The following KIRREL3 variants were observed in gnomAD, a reference collection of about 807,000 sequenced individuals.
KIRREL3 encodes kirre like nephrin family adhesion molecule 3, also known as kin of IRRE-like protein 3.
In KIRREL3, 36 loss-of-function variants were observed where a neutral mutation model predicts 89.7. The ratio of observed to expected loss-of-function variants is 0.40; its 90% CI spans 0.31 to 0.53. The LOEUF is 0.53. Ranked by LOEUF, KIRREL3 falls within the 20% of genes least tolerant of loss-of-function variation. The probability of loss-of-function intolerance (pLI) is 0.49; values close to 1 mark genes in which losing one functional copy is unlikely to be tolerated. For missense variants in KIRREL3, 864 were observed against 1,056.6 expected (o/e 0.82, Z 2.53); for synonymous variants, 445 against 441.4 (o/e 1.01, Z -0.10).
chr11:126,629,300 C>A (rs1393923926), intron 1 of KIRREL3, among the ~76,000 whole-genome samples: 4 of 152,118 alleles, frequency 2.6e-5, no homozygotes, highest in Admixed American at 1.3e-4. Context: ...TGTCCTCACC[C>A]CAGGAAGCAC....
chr11:126,951,420 G>T (rs1948770026), intron 1 of KIRREL3, among the ~76,000 whole-genome samples: 1 of 152,130 alleles, frequency 6.6e-6, no homozygotes, highest in African/African-American at 2.4e-5. Context: ...TGCAGCATCT[G>T]GCTCACTGAA....
At chr11:126,988,866 G>C (rs1432713602) in intron 1 of KIRREL3, among the ~76,000 whole-genome samples, 4 of 152,184 alleles carry the variant, frequency 2.6e-5, no homozygotes, top group African/African-American at 9.7e-5. Context: ...CGGGGGTAGA[G>C]AAACATGCTG....
In KIRREL3 at chr11:126,704,668, G is replaced by A. The variant is rs1947449000; in HGVS notation, c.56-141756C>T. On this transcript the variant is annotated intron_variant, in intron 1 of 16. Coordinates refer to ENST00000525144, the MANE Select transcript of KIRREL3 (RefSeq NM_032531.4). The surrounding 1 kb of genome is among the most constrained non-coding windows in gnomAD (Gnocchi z 4.2). The stretch of plus-strand genomic sequence containing the variant: ...TGGTTCTCATGAGTTGTGGCTAAGT[G>A]AGGAAGTCTGAGTCTCTCCTGATGC... Among the ~76,000 whole-genome samples the A allele has an allele frequency of 6.6e-6, 1 of 152,220 alleles. No homozygotes were observed. The highest frequency in any genetic ancestry group is 6.5e-5 in the Admixed American group (1 of 15,292).
rs1331239261 is a variant in KIRREL3 at position 126,991,689 on chromosome 11, G to A, written c.55+8766C>T. 6.6e-6 allele frequency among the ~76,000 whole-genome samples: 1 copy of A among 152,290 alleles called. No homozygotes were observed. Among genetic ancestry groups the A allele is most frequent in the Non-Finnish European group, 1.5e-5 (1 of 68,022 alleles). On this transcript the variant is annotated intron_variant, in intron 1 of 16. Transcript: ENST00000525144. The surrounding 1 kb of genome is among the most constrained non-coding windows in gnomAD (Gnocchi z 5.8). ...GAACTACAATGCTGCCTCCTTGTTC[G>A]AAGGTCAGACCTGGGATTCGGATGC...
intron 1 of KIRREL3, among the ~76,000 whole-genome samples, chr11:126,856,783 T>G (rs1944532812): frequency 6.6e-6 from 1 of 151,814 alleles, no homozygotes; most frequent in Admixed American, 6.6e-5. Context: ...GCGCGGCTAA[T>G]TTTTTGTATT....
intron 1 of KIRREL3, among the ~76,000 whole-genome samples, chr11:126,986,351 C>T (rs377486815): frequency 1.3e-5 from 2 of 151,984 alleles, no homozygotes; most frequent in East Asian, 3.9e-4. Flanking sequence ...TTGTATTGAC[C>T]TTGAATATTT....
intron 1 of KIRREL3, among the ~76,000 whole-genome samples, chr11:126,618,766 A>C (rs147614999): frequency 5.1e-4 from 78 of 152,300 alleles, no homozygotes; most frequent in African/African-American, 1.8e-3. Flanking sequence ...GAACAACCTA[A>C]TACACTCACC....
chr11:126,467,938 C>T (rs557987541), intron 5 of KIRREL3, among the ~76,000 whole-genome samples: 6 of 152,230 alleles, frequency 3.9e-5, no homozygotes, highest in South Asian at 4.1e-4. Context: ...GGTGAGGGCC[C>T]TATGCATGTG....
At position 126,676,392 on chromosome 11, in the gene KIRREL3, T is replaced by A. The variant is rs1459242828; in HGVS notation, c.56-113480A>T. The stretch of plus-strand genomic sequence containing the variant: ...GTCCTATCTCAGTTCAGGCTAGAAT[T>A]CTCTCCTACCCTGGGGCCTCTCTAG... On this transcript the variant is annotated intron_variant, in intron 1 of 16. Coordinates refer to ENST00000525144, the MANE Select transcript of KIRREL3 (RefSeq NM_032531.4). The surrounding 1 kb of genome is among the most constrained non-coding windows in gnomAD (Gnocchi z 4.5). Among the ~76,000 whole-genome samples, 1 of 152,074 alleles carries A rather than the reference T, an allele frequency of 6.6e-6. No homozygotes were observed. Among genetic ancestry groups the A allele is most frequent in the Non-Finnish European group, 1.5e-5 (1 of 68,000 alleles).
At position 126,763,606 on chromosome 11, in the gene KIRREL3, G is replaced by A. The variant is rs1339908311; in HGVS notation, c.56-200694C>T. Reference sequence around the variant, plus strand: ...GAGGGACCAAGGCCCAGCGAGAGTAGGTGGTAGGTAGGCAATGGCCAGTGG... The same window carrying A: ...GAGGGACCAAGGCCCAGCGAGAGTAAGTGGTAGGTAGGCAATGGCCAGTGG... On this transcript the variant is annotated intron_variant, in intron 1 of 16. Coordinates refer to ENST00000525144, the MANE Select transcript of KIRREL3 (RefSeq NM_032531.4). The surrounding 1 kb of genome is among the most constrained non-coding windows in gnomAD (Gnocchi z 4.7). Among the ~76,000 whole-genome samples, 3 of 152,234 alleles carry A rather than the reference G, an allele frequency of 2.0e-5. No homozygotes were observed. The highest frequency in any genetic ancestry group is 2.9e-5 in the Non-Finnish European group (2 of 68,046).
chr11:126,657,237 CAAATAAATAATT>C (rs1248487260), intron 1 of KIRREL3, among the ~76,000 whole-genome samples: 113 of 81,498 alleles, frequency 1.4e-3, no homozygotes, highest in African/African-American at 4.4e-3. Flanking sequence ...ATGAGAATTC[CAAATAAATAATT>C]AAATAAATAA....
At chr11:126,478,709 AC>A (rs1469398056) in intron 4 of KIRREL3, among the ~76,000 whole-genome samples, 1 of 151,996 alleles carries the variant, frequency 6.6e-6, no homozygotes, top group Non-Finnish European at 1.5e-5. Flanking sequence ...ATGTGTGTAT[AC>A]ATGTGTATGG....
At chr11:126,794,174 G>C (rs185834735) in intron 1 of KIRREL3, among the ~76,000 whole-genome samples, 1 of 152,168 alleles carries the variant, frequency 6.6e-6, no homozygotes, top group Non-Finnish European at 1.5e-5. Context: ...ATGATGGCTG[G>C]GATTAATTTT....
chr11:126,926,109 C>T (rs758056077), intron 1 of KIRREL3, among the ~76,000 whole-genome samples: 13 of 152,208 alleles, frequency 8.5e-5, no homozygotes, highest in East Asian at 1.9e-4. Context: ...CTCAGCCCAT[C>T]GCTCCAGGAG....
At chr11:126,716,086 AAAG>A (rs1947948271) in intron 1 of KIRREL3, among the ~76,000 whole-genome samples, 1 of 151,962 alleles carries the variant, frequency 6.6e-6, no homozygotes. Flanking sequence ...AAAGAAGGAA[AAAG>A]AAGAAAGGAG....
rs1297747848 is a variant in KIRREL3, at chr11:126,924,778, A to G, written c.55+75677T>C. On this transcript the variant is annotated intron_variant, in intron 1 of 16. Coordinates refer to ENST00000525144, the MANE Select transcript of KIRREL3 (RefSeq NM_032531.4). The surrounding 1 kb of genome is among the most constrained non-coding windows in gnomAD (Gnocchi z 4.7). ...TTAACTGGATGCCTGCTGTGTGCTC[A>G]TCCCTGCCCCATCAACACCCTCACC... Among the ~76,000 whole-genome samples, 2 of 152,132 alleles carry G rather than the reference A, an allele frequency of 1.3e-5. No homozygotes were observed. The highest frequency in any genetic ancestry group is 6.5e-5 in the Admixed American group (1 of 15,278).
At chr11:126,944,667 G>A (rs902137932) in intron 1 of KIRREL3, among the ~76,000 whole-genome samples, 14 of 151,932 alleles carry the variant, frequency 9.2e-5, no homozygotes, top group South Asian at 2.1e-4. Context: ...GAGGCTCCCC[G>A]CACCTCTGCC....
intron 1 of KIRREL3, among the ~76,000 whole-genome samples, chr11:126,706,148 T>C (rs1046012010): frequency 1.3e-5 from 2 of 152,210 alleles, no homozygotes; most frequent in African/African-American, 4.8e-5. Context: ...CAACTGAACA[T>C]TGCCAAGCCA....
At chr11:126,810,629 C>T (rs1004190015) in intron 1 of KIRREL3, among the ~76,000 whole-genome samples, 3 of 152,266 alleles carry the variant, frequency 2.0e-5, no homozygotes, top group African/African-American at 7.2e-5. Context: ...GGCCCTACAC[C>T]TGAGCATCCC....
Sources: gnomAD v4.1 joint callset for allele counts (sites outside exome capture counted in the v4.1 genomes callset) on GRCh38, gnomAD v4.1.1 for gene constraint, Gnocchi (gnomAD v3.1) non-coding constraint, MANE v1.5 for transcripts, NCBI Gene and HGNC (gene_info 2026-07-23, HGNC 2026-07-21) for gene names.